The following GRIN2A variants were observed in gnomAD, a reference collection of about 807,000 sequenced individuals.
The protein encoded by GRIN2A is glutamate ionotropic receptor NMDA type subunit 2A.
GRIN2A carries 22 observed loss-of-function variants against 113.4 expected under a neutral mutation model. The observed-to-expected ratio is 0.19, with a 90% CI of 0.14 to 0.28. The LOEUF is 0.28. GRIN2A is among the 10% of genes least tolerant of loss of function. The pLI, the probability that GRIN2A is intolerant of heterozygous loss-of-function variation, is 1.00. For missense variants in GRIN2A, 1,502 were observed against 1,887.0 expected, an observed-to-expected ratio of 0.80 and a Z score of 3.78; for synonymous variants, 827 against 738.4, an observed-to-expected ratio of 1.12 and a Z score of -1.94.
intron 2 of GRIN2A, among the ~76,000 whole-genome samples, chr16:9,956,805 G>C (rs915654974): frequency 5.9e-5 from 9 of 152,132 alleles, no homozygotes; most frequent in Non-Finnish European, 1.0e-4. Flanking sequence ...GCTGGAGTAG[G>C]GGTTATCTAG....
At chr16:9,881,603 G>C (rs572468456) in intron 4 of GRIN2A, among the ~76,000 whole-genome samples, 2 of 152,288 alleles carry the variant, frequency 1.3e-5, no homozygotes, top group African/African-American at 4.8e-5. Flanking sequence ...CATACTAAAA[G>C]ATGCTCCTCA....
intron 2 of GRIN2A, among the ~76,000 whole-genome samples, chr16:10,009,800 C>G (rs2046472105): frequency 6.6e-6 from 1 of 151,936 alleles, no homozygotes; most frequent in African/African-American, 2.4e-5. Context: ...TAAATGAAAA[C>G]TAGCTCTGTT....
chr16:9,981,334 G>C (rs959634725), intron 2 of GRIN2A, among the ~76,000 whole-genome samples: 1 of 152,124 alleles, frequency 6.6e-6, no homozygotes, highest in Non-Finnish European at 1.5e-5. Context: ...GATCCCATTA[G>C]GTCATTTCCA....
chr16:9,930,307 TTC>T (rs1484117305), intron 3 of GRIN2A, among the ~76,000 whole-genome samples: 3 of 152,204 alleles, frequency 2.0e-5, no homozygotes, highest in African/African-American at 4.8e-5. Context: ...TCTTGGAATT[TTC>T]TCTGTTTACA....
At chr16:10,000,591 G>C (rs1215287632) in intron 2 of GRIN2A, among the ~76,000 whole-genome samples, 1 of 151,836 alleles carries the variant, frequency 6.6e-6, no homozygotes, top group Non-Finnish European at 1.5e-5. Context: ...GAATAAGGGA[G>C]GAAACAGAGG....
chr16:10,064,149 T>G (rs1347872495), intron 2 of GRIN2A, among the ~76,000 whole-genome samples: 3 of 152,232 alleles, frequency 2.0e-5, no homozygotes, highest in Non-Finnish European at 2.9e-5. Flanking sequence ...GAACTGACTT[T>G]GTTGGTGAGT....
chr16:9,875,090 G>A (rs2043338333), intron 4 of GRIN2A, among the ~76,000 whole-genome samples: 1 of 150,154 alleles, frequency 6.7e-6, no homozygotes, highest in East Asian at 2.0e-4. Context: ...TTGACCTATG[G>A]GCTCAAGCAA....
intron 2 of GRIN2A, among the ~76,000 whole-genome samples, chr16:9,968,671 G>A (rs986967410): frequency 6.6e-6 from 1 of 152,040 alleles, no homozygotes; most frequent in Non-Finnish European, 1.5e-5. Context: ...GCGGTGGCGT[G>A]ATCTCGGCTC....
chr16:9,859,858 A>G (rs898476166), intron 4 of GRIN2A, among the ~76,000 whole-genome samples: 1 of 151,922 alleles, frequency 6.6e-6, no homozygotes, highest in Non-Finnish European at 1.5e-5. Context: ...TCATTTTTGC[A>G]TTTTCTTTGC....
At chr16:10,038,326 T>C (rs933078597) in intron 2 of GRIN2A, among the ~76,000 whole-genome samples, 1 of 152,148 alleles carries the variant, frequency 6.6e-6, no homozygotes, top group African/African-American at 2.4e-5. Flanking sequence ...TTTCAACATA[T>C]GAATTCTAGG....
At chr16:9,788,117 A>G (rs1902345915) in intron 11 of GRIN2A, among the ~76,000 whole-genome samples, 1 of 152,196 alleles carries the variant, frequency 6.6e-6, no homozygotes, top group Non-Finnish European at 1.5e-5. Flanking sequence ...GTGGATGCAC[A>G]GGCTAAACAT....
intron 4 of GRIN2A, among the ~76,000 whole-genome samples, chr16:9,860,498 C>A (rs538396402): frequency 6.7e-6 from 1 of 149,896 alleles, no homozygotes; most frequent in African/African-American, 2.5e-5. Flanking sequence ...AGTAGGTTGC[C>A]TGTTATGGGG....
intron 2 of GRIN2A, among the ~76,000 whole-genome samples, chr16:10,142,676 G>T (rs552264971): frequency 9.6e-4 from 146 of 152,262 alleles, no homozygotes; most frequent in Middle Eastern, 6.8e-3. Context: ...TCTAGTATGG[G>T]CAATAGAGCA....
chr16:9,789,553 TACACACAC>T (rs71157785), intron 11 of GRIN2A, among the ~76,000 whole-genome samples: 291 of 149,566 alleles, frequency 1.9e-3, no homozygotes, highest in Admixed American at 6.6e-3. Context: ...GAAACATACA[TACACACAC>T]ACACACACAC....
chr16:9,758,812 C>G lies in GRIN2A; in HGVS notation c.*4337G>C, dbSNP rs1596369803. On this transcript the variant is annotated 3_prime_UTR_variant, in exon 13 of 13. Coordinates refer to ENST00000330684, the MANE Select transcript of GRIN2A (RefSeq NM_001134407.3). ...CTTTTCAAGTATAGACCCCACAGCA[C>G]TTTCAACCCTGTTCACCAAAAAGAG... 1 of 214,430 alleles carries G rather than the reference C, an allele frequency of 4.7e-6. No individual in the cohort carries two copies. The highest frequency in any genetic ancestry group is 6.9e-5 in the East Asian group (1 of 14,468). 13.3% of individuals were successfully genotyped at this position (214,430 alleles called of 1,614,324 possible). A position where few individuals can be genotyped will look rare whatever the true frequency, so the allele number is the denominator to read the frequency against.
At chr16:10,113,254 A>T (rs940717262) in intron 2 of GRIN2A, among the ~76,000 whole-genome samples, 3 of 151,598 alleles carry the variant, frequency 2.0e-5, no homozygotes, top group African/African-American at 7.3e-5. Flanking sequence ...CCCCCCCAGG[A>T]AATGGTGCTT....
chr16:10,026,751 G>A (rs757658640), intron 2 of GRIN2A, among the ~76,000 whole-genome samples: 3 of 152,104 alleles, frequency 2.0e-5, no homozygotes, highest in Non-Finnish European at 4.4e-5. Flanking sequence ...TGAGAAACAC[G>A]CCAAACAAGA....
chr16:10,118,072 C>G (rs1183755697), intron 2 of GRIN2A, among the ~76,000 whole-genome samples: 1 of 152,076 alleles, frequency 6.6e-6, no homozygotes, highest in Non-Finnish European at 1.5e-5. Flanking sequence ...TCTGAGGTGG[C>G]CAAGTTGAAG....
At chr16:10,116,451 A>G (rs1226005976) in intron 2 of GRIN2A, among the ~76,000 whole-genome samples, 1 of 152,242 alleles carries the variant, frequency 6.6e-6, no homozygotes, top group Non-Finnish European at 1.5e-5. Flanking sequence ...CTGTACATGT[A>G]TCCCAGAACT....
Sources: allele counts gnomAD v4.1 joint callset (sites outside exome capture counted in the v4.1 genomes callset), GRCh38; gene constraint gnomAD v4.1.1; transcripts MANE v1.5; gene names NCBI Gene and HGNC (gene_info 2026-07-23, HGNC 2026-07-21).